The following BTBD9 variants were observed in gnomAD, a reference collection of about 807,000 sequenced individuals.
BTBD9 encodes the protein BTB/POZ domain-containing protein 9.
Under a neutral mutation model 64.3 loss-of-function variants are expected in BTBD9, and 49 were observed. The observed-to-expected ratio is 0.76, with a 90% CI of 0.61 to 0.97. The LOEUF is 0.97. Ranked by LOEUF, BTBD9 falls within the 50% of genes least tolerant of loss-of-function variation. BTBD9 has a pLI of 0.00. For synonymous variants in BTBD9, 260 were observed against 274.7 expected (o/e 0.95, Z 0.53); for missense variants, 598 against 762.1 (o/e 0.78, Z 2.53).
intron 7 of BTBD9, among the ~76,000 whole-genome samples, chr6:38,327,728 T>A (rs1455258943): frequency 6.6e-6 from 1 of 152,222 alleles, no homozygotes; most frequent in East Asian, 1.9e-4. Flanking sequence ...GCTTCAGAGA[T>A]CTGTAGATCT....
intron 1 of BTBD9, among the ~76,000 whole-genome samples, chr6:38,639,417 C>T (rs1778646297): frequency 6.6e-6 from 1 of 152,166 alleles, no homozygotes; most frequent in Non-Finnish European, 1.5e-5. Flanking sequence ...CCAAACTTTC[C>T]AAACCCCCAC....
At chr6:38,282,940 G>A (rs914938435) in intron 8 of BTBD9, among the ~76,000 whole-genome samples, 3 of 152,204 alleles carry the variant, frequency 2.0e-5, no homozygotes, top group Non-Finnish European at 4.4e-5. Flanking sequence ...CCACTAGAAT[G>A]TCAGTTCCAT....
At chr6:38,352,119 G>A (rs1764540330) in intron 6 of BTBD9, among the ~76,000 whole-genome samples, 1 of 152,104 alleles carries the variant, frequency 6.6e-6, no homozygotes, top group African/African-American at 2.4e-5. Context: ...GCTCATGTCT[G>A]TCATCCTAGC....
At chr6:38,616,064 C>T (rs1318553510) in intron 1 of BTBD9, among the ~76,000 whole-genome samples, 1 of 152,156 alleles carries the variant, frequency 6.6e-6, no homozygotes, top group African/African-American at 2.4e-5. Context: ...GGGAGATTCT[C>T]CAACTAGCCT....
intron 9 of BTBD9, among the ~76,000 whole-genome samples, chr6:38,255,184 T>C (rs1261664053): frequency 3.3e-5 from 5 of 152,204 alleles, no homozygotes; most frequent in African/African-American, 1.2e-4. Context: ...TATGATTCCA[T>C]TTATATGAAA....
chr6:38,307,733 T>C (rs927417332), intron 7 of BTBD9, among the ~76,000 whole-genome samples: 15 of 152,236 alleles, frequency 9.9e-5, no homozygotes, highest in Non-Finnish European at 2.1e-4. Flanking sequence ...TATCTTAAGA[T>C]TATAAGGGCT....
intron 6 of BTBD9, among the ~76,000 whole-genome samples, chr6:38,430,816 T>G (rs1221817510): frequency 1.3e-5 from 2 of 151,934 alleles, no homozygotes; most frequent in Non-Finnish European, 2.9e-5. Flanking sequence ...CAATAGGATT[T>G]TCATTCCCAT....
rs570198078 is a variant in BTBD9, at chr6:38,539,758, T to C, written c.1154+37842A>G. Among the ~76,000 whole-genome samples, 20 of 152,192 alleles carry C rather than the reference T, an allele frequency of 1.3e-4. 1 individual carries two copies. Among genetic ancestry groups the C allele is most frequent in the South Asian group, 1.2e-3 (6 of 4,824 alleles). ...GTATAAAAACCCACCACAAATAAAA[T>C]AGAAAGTAAACCAATTGTAAGAGAT... On this transcript the variant is annotated intron_variant, in intron 6 of 10. Coordinates refer to ENST00000481247, the MANE Select transcript of BTBD9 (RefSeq NM_001099272.2).
chr6:38,282,399 A>G (rs927114864), intron 8 of BTBD9, among the ~76,000 whole-genome samples: 19 of 152,216 alleles, frequency 1.2e-4, no homozygotes, highest in Non-Finnish European at 2.6e-4. Context: ...GCAAGAGACG[A>G]AAGAGCTTCC....
At chr6:38,327,432 T>C (rs1430066374) in intron 7 of BTBD9, among the ~76,000 whole-genome samples, 2 of 152,102 alleles carry the variant, frequency 1.3e-5, no homozygotes, top group Non-Finnish European at 2.9e-5. Context: ...TCTGCCCCCA[T>C]AGCCTCCAAA....
chr6:38,441,728 T>C (rs992076721), intron 6 of BTBD9, among the ~76,000 whole-genome samples: 2 of 152,158 alleles, frequency 1.3e-5, no homozygotes, highest in South Asian at 2.1e-4. Flanking sequence ...CTGAGAGATA[T>C]TAAGAAAGCA....
At chr6:38,556,448 G>A (rs1775015097) in intron 6 of BTBD9, among the ~76,000 whole-genome samples, 1 of 151,206 alleles carries the variant, frequency 6.6e-6, no homozygotes, top group South Asian at 2.1e-4. Flanking sequence ...AATGGCAAAT[G>A]CTTTTAGAAG....
chr6:38,450,384 T>C (rs551265531), intron 6 of BTBD9, among the ~76,000 whole-genome samples: 25 of 152,330 alleles, frequency 1.6e-4, no homozygotes, highest in Middle Eastern at 3.4e-3. Context: ...ATTTACGGCA[T>C]TCTTGAAAAA....
At chr6:38,468,465 C>T (rs1036780007) in intron 6 of BTBD9, among the ~76,000 whole-genome samples, 3 of 152,170 alleles carry the variant, frequency 2.0e-5, no homozygotes, top group African/African-American at 4.8e-5. Context: ...CTAAAGAAAT[C>T]CCAGGCATCT....
At chr6:38,289,962 T>C (rs936984682) in intron 7 of BTBD9, among the ~76,000 whole-genome samples, 11 of 152,120 alleles carry the variant, frequency 7.2e-5, no homozygotes, top group Admixed American at 6.6e-4. Flanking sequence ...AACCAAAACC[T>C]ACTTACATTC....
intron 6 of BTBD9, among the ~76,000 whole-genome samples, chr6:38,402,353 A>C (rs1374573667): frequency 2.0e-5 from 3 of 151,944 alleles, no homozygotes; most frequent in African/African-American, 7.2e-5. Flanking sequence ...CCTAAAATTC[A>C]TATGGAAAGA....
chr6:38,415,566 T>C (rs757284792), intron 6 of BTBD9, among the ~76,000 whole-genome samples: 1 of 152,202 alleles, frequency 6.6e-6, no homozygotes, highest in Non-Finnish European at 1.5e-5. Flanking sequence ...ACGAAGTCTG[T>C]GGTAATTTGT....
chr6:38,263,758 C>G (rs1029261481), intron 8 of BTBD9, among the ~76,000 whole-genome samples: 2 of 152,184 alleles, frequency 1.3e-5, no homozygotes, highest in Admixed American at 1.3e-4. Context: ...CCTACTAGGG[C>G]CCTCCGAGTT....
intron 9 of BTBD9, among the ~76,000 whole-genome samples, chr6:38,219,129 CTTTTTTTTTTTTTT>C (rs5875622): frequency 2.8e-5 from 2 of 70,894 alleles, no homozygotes; most frequent in African/African-American, 1.3e-4. Context: ...ACTTTCTTTT[CTTTTTTTTTTTTTT>C]TTTTTTTTTT....
Sources: allele counts gnomAD v4.1 joint callset (sites outside exome capture counted in the v4.1 genomes callset), GRCh38; gene constraint gnomAD v4.1.1; transcripts MANE v1.5; gene names NCBI Gene and HGNC (gene_info 2026-07-23, HGNC 2026-07-21).